Variants in ULK4 observed in about 807,000 individuals in gnomAD.
ULK4 encodes unc-51 like kinase 4, also known as inactive serine/threonine-protein kinase ULK4.
In ULK4, 133 loss-of-function variants were observed where a neutral mutation model predicts 160.6. The observed-to-expected ratio is 0.83, with a 90% CI of 0.72 to 0.96. The LOEUF (loss-of-function observed/expected upper bound fraction) is 0.96, where lower values mean the gene tolerates loss of function less well. Among genes scored for constraint, ULK4 ranks in the 40% least tolerant of loss-of-function variants. ULK4 has a pLI of 0.00. For missense variants in ULK4, 1,580 were observed against 1,499.5 expected (o/e 1.05, Z -0.89); for synonymous variants, 534 against 539.8 (o/e 0.99, Z 0.15).
intron 32 of ULK4, among the ~76,000 whole-genome samples, chr3:41,479,987 CGA>C (rs1449225786): frequency 6.6e-6 from 1 of 151,948 alleles, no homozygotes; most frequent in Non-Finnish European, 1.5e-5. Flanking sequence ...GCAGGCGGAT[CGA>C]GAGGTCAGGA....
intron 34 of ULK4, among the ~76,000 whole-genome samples, chr3:41,403,826 T>C (rs2082235377): frequency 6.6e-6 from 1 of 152,196 alleles, no homozygotes; most frequent in Non-Finnish European, 1.5e-5. Flanking sequence ...TTAAAAAGCT[T>C]CCTGTGTGAC....
At chr3:41,260,841 T>C (rs1050733246) in intron 35 of ULK4, among the ~76,000 whole-genome samples, 1 of 152,248 alleles carries the variant, frequency 6.6e-6, no homozygotes, top group Non-Finnish European at 1.5e-5. Context: ...ACCATGTTTC[T>C]GTCCAGGAGG....
chr3:41,249,712 C>T, intron 35 of ULK4, 138 bp from the exon 36 acceptor site: 1 of 808,002 alleles, frequency 1.2e-6, no homozygotes, highest in South Asian at 1.8e-5. Flanking sequence ...CTGGGCTTGT[C>T]TGTAACCCCC....
In ULK4 at chr3:41,741,610, TCAAAG is replaced by T. The variant is rs576323917; in HGVS notation, c.2321+12746_2321+12750del. Among the ~76,000 whole-genome samples the T allele has an allele frequency of 1.0e-3, 158 of 152,086 alleles. 2 individuals are homozygous for T. The highest frequency in any genetic ancestry group is 3.6e-3 in the African/African-American group (150 of 41,370). The stretch of plus-strand genomic sequence containing the variant: ...TAAATCAGATGCATGCCTGTTAAAA[TCAAAG>T]CAATGTGTATTGTTAATAGTCATAG... On this transcript the variant is annotated intron_variant, in intron 22 of 36. Coordinates refer to ENST00000301831, the MANE Select transcript of ULK4 (RefSeq NM_017886.4).
At chr3:41,520,508 C>T (rs1315041260) in intron 32 of ULK4, among the ~76,000 whole-genome samples, 2 of 152,086 alleles carry the variant, frequency 1.3e-5, no homozygotes, top group Non-Finnish European at 2.9e-5. Context: ...ATGAATAATG[C>T]TGCAATGCAT....
intron 21 of ULK4, among the ~76,000 whole-genome samples, chr3:41,767,917 G>T (rs2039220467): frequency 6.6e-6 from 1 of 152,148 alleles, no homozygotes; most frequent in African/African-American, 2.4e-5. Flanking sequence ...GTTTATTGCA[G>T]GAGTCCCCAA....
intron 30 of ULK4, among the ~76,000 whole-genome samples, chr3:41,642,762 C>T (rs2034281902): frequency 6.6e-6 from 1 of 152,184 alleles, no homozygotes; most frequent in African/African-American, 2.4e-5. Context: ...GAAGAATCAC[C>T]ACACTGACTT....
intron 23 of ULK4, among the ~76,000 whole-genome samples, chr3:41,717,070 A>G (rs888768453): frequency 6.6e-6 from 1 of 152,094 alleles, no homozygotes; most frequent in Non-Finnish European, 1.5e-5. Flanking sequence ...AGGGATGAGG[A>G]AAAAAAGTGG....
chr3:41,626,555 T>G (rs1368141422), intron 30 of ULK4, among the ~76,000 whole-genome samples: 2 of 145,936 alleles, frequency 1.4e-5, no homozygotes, highest in Non-Finnish European at 1.5e-5. Flanking sequence ...TGAGATGGAG[T>G]CTCGCTGTCA....
At chr3:41,378,780 TAAATA>T (rs1277032917) in intron 35 of ULK4, among the ~76,000 whole-genome samples, 10 of 149,674 alleles carry the variant, frequency 6.7e-5, no homozygotes, top group African/African-American at 1.5e-4. Context: ...TAAAGTATAA[TAAATA>T]AAATAAAATA....
chr3:41,748,781 G>A (rs767703802), intron 22 of ULK4, among the ~76,000 whole-genome samples: 2 of 152,160 alleles, frequency 1.3e-5, no homozygotes, highest in Middle Eastern at 6.8e-3. Context: ...CCCTTTCTTA[G>A]ACAAAAAGGT....
intron 31 of ULK4, among the ~76,000 whole-genome samples, chr3:41,604,602 ACAGG>A (rs1250424932): frequency 1.3e-5 from 2 of 152,132 alleles, no homozygotes; most frequent in Non-Finnish European, 2.9e-5. Flanking sequence ...GAAGCACCTA[ACAGG>A]CAGCATATAT....
chr3:41,352,867 A>G (rs1291110371), intron 35 of ULK4, among the ~76,000 whole-genome samples: 1 of 152,204 alleles, frequency 6.6e-6, no homozygotes, highest in Non-Finnish European at 1.5e-5. Flanking sequence ...TCAAGGTCAA[A>G]CAAGGCCAAT....
chr3:41,455,646 T>G lies in ULK4; in HGVS notation c.3394-51A>C, dbSNP rs751923734. 12 of 1,579,364 alleles carry G rather than the reference T, an allele frequency of 7.6e-6. No homozygotes were observed. In the South Asian group the frequency reaches 1.2e-4, roughly 16 times the overall value. ...AGACGGTCTTGGTGATTAGTCAGCT[T>G]GGCCAAAGGAAACAGGACCACTCCA... On this transcript the variant is annotated intron_variant, in intron 33 of 36. Coordinates refer to ENST00000301831, the MANE Select transcript of ULK4 (RefSeq NM_017886.4).
intron 20 of ULK4, among the ~76,000 whole-genome samples, chr3:41,797,777 C>T (rs149895836): frequency 1.7e-4 from 26 of 152,116 alleles, no homozygotes; most frequent in African/African-American, 6.3e-4. Context: ...ACAAGAATCG[C>T]CTGAAACTGG....
chr3:41,353,734 AC>A (rs2080969725), intron 35 of ULK4, among the ~76,000 whole-genome samples: 1 of 149,302 alleles, frequency 6.7e-6, no homozygotes, highest in South Asian at 2.1e-4. Context: ...TACTACTACT[AC>A]TACTACTACT....
chr3:41,894,348 A>G (rs899508641), intron 16 of ULK4, among the ~76,000 whole-genome samples: 3 of 152,176 alleles, frequency 2.0e-5, no homozygotes, highest in African/African-American at 7.2e-5. Context: ...ACTTTGGGAG[A>G]GTAACATTAG....
chr3:41,437,329 A>G (rs6788792), intron 34 of ULK4, among the ~76,000 whole-genome samples: 80,735 of 152,046 alleles, frequency 0.53, 21,864 homozygotes, highest in East Asian at 0.69. Context: ...TTGACTCTAG[A>G]ATTTCAAATC....
intron 30 of ULK4, among the ~76,000 whole-genome samples, chr3:41,638,184 T>G (rs756517294): frequency 6.6e-6 from 1 of 152,212 alleles, no homozygotes; most frequent in Non-Finnish European, 1.5e-5. Context: ...CTCTACCAAT[T>G]TGTTTTTTAA....
Sources: allele counts gnomAD v4.1 joint callset (sites outside exome capture counted in the v4.1 genomes callset), GRCh38; gene constraint gnomAD v4.1.1; transcripts MANE v1.5; gene names NCBI Gene and HGNC (gene_info 2026-07-23, HGNC 2026-07-21).